GYPB: variants seen among roughly 807,000 people sequenced by gnomAD.
The protein encoded by GYPB is glycophorin-B.
Under a neutral mutation model 15.3 loss-of-function variants are expected in GYPB, and 13 were observed. The ratio of observed to expected loss-of-function variants is 0.85; its 90% CI spans 0.55 to 1.35. The LOEUF (loss-of-function observed/expected upper bound fraction) is 1.35, where lower values mean the gene tolerates loss of function less well. GYPB is among the 40% of genes most tolerant of loss of function. The pLI is 0.00. For missense variants in GYPB, 131 were observed against 108.3 expected (o/e 1.21, Z -0.93); for synonymous variants, 38 against 36.9 (o/e 1.03, Z -0.11).
At chr4:144,000,538 A>G in intron 2 of GYPB, 2 of 403,058 alleles carry the variant, frequency 5.0e-6, no homozygotes, top group Non-Finnish European at 4.5e-6. Context: ...CATACAGCGT[A>G]TCATGAAAGA....
rs570335496 is a variant in GYPB, at chr4:144,017,959, C to T, written c.37+1292G>A. Among the ~76,000 whole-genome samples, 11 of 151,390 alleles carry T rather than the reference C, an allele frequency of 7.3e-5. No homozygotes were observed. The South Asian group carries it at 2.3e-3, about 31-fold the overall frequency. On this transcript the variant is annotated intron_variant, in intron 1 of 4. Coordinates refer to ENST00000502664, the MANE Select transcript of GYPB (RefSeq NM_002100.6). ...TTCTGTAATTTTCTTGTCTCTCTGA[C>T]TCTCAGAAATCACCAATCACATACG...
rs372288184 is a variant in GYPB at position 144,019,306 on chromosome 4, T to C, written c.-19A>G. On this transcript the variant is annotated 5_prime_UTR_variant, in exon 1 of 5. Coordinates refer to ENST00000502664, the MANE Select transcript of GYPB (RefSeq NM_002100.6). Reference sequence around the variant, plus strand: ...CATACATCCTGAGATCATGAGCTGGTTCCTGAAGTTAGTGCAAAAAAACTA... The same window carrying C: ...CATACATCCTGAGATCATGAGCTGGCTCCTGAAGTTAGTGCAAAAAAACTA... The C allele has an allele frequency of 1.1e-4, 172 of 1,611,832 alleles. No individual in the cohort carries two copies. Among genetic ancestry groups the C allele is most frequent in the Non-Finnish European group, 1.4e-4 (163 of 1,179,442 alleles).
In GYPB at chr4:144,001,150, G is replaced by A. The variant is rs747889435; in HGVS notation, c.136+35C>T. 5.8e-5 allele frequency: 93 copies of A among 1,612,232 alleles called. No homozygotes were observed. In the East Asian group the frequency reaches 6.0e-4, roughly 10 times the overall value. On this transcript the variant is annotated intron_variant, in intron 2 of 4. Coordinates refer to ENST00000502664, the MANE Select transcript of GYPB (RefSeq NM_002100.6). ...AGGGTTGCATCACAAAAATCATTTC[G>A]GAGCCACAATTTAAAAATAAAAATG... is the stretch of plus-strand genomic sequence containing the variant.
intron 2 of GYPB, among the ~76,000 whole-genome samples, chr4:143,999,706 G>A (rs1480918644): frequency 2.0e-5 from 3 of 151,286 alleles, no homozygotes; most frequent in Non-Finnish European, 4.4e-5. Flanking sequence ...ATAACTGAGG[G>A]GAAAGGAATG....
intron 1 of GYPB, among the ~76,000 whole-genome samples, chr4:144,015,140 G>A (rs551534338): frequency 5.9e-5 from 9 of 151,298 alleles, no homozygotes; most frequent in South Asian, 2.1e-4. Flanking sequence ...TGTTTGTTTG[G>A]TTTACTTTTT....
At chr4:144,006,074 C>A (rs1231431194) in intron 1 of GYPB, among the ~76,000 whole-genome samples, 1 of 151,710 alleles carries the variant, frequency 6.6e-6, no homozygotes, top group African/African-American at 2.4e-5. Context: ...ATTAGTGAGG[C>A]CTCAAACTCC....
chr4:144,004,245 T>A (rs1184877745), intron 1 of GYPB, among the ~76,000 whole-genome samples: 2 of 6,314 alleles, frequency 3.2e-4, no homozygotes, highest in African/African-American at 4.6e-4. Context: ...ATAAAAATTG[T>A]TTTTTATATC....
chr4:144,014,680 A>G (rs2149969638), intron 1 of GYPB, among the ~76,000 whole-genome samples: 1 of 151,524 alleles, frequency 6.6e-6, no homozygotes, highest in South Asian at 2.1e-4. Flanking sequence ...AGTGATGAAA[A>G]TGTTCTGGAA....
chr4:144,001,760 A>G lies in GYPB; in HGVS notation c.38-477T>C, dbSNP rs1036766268. ...TTTTGGAAACTGTCTATGCTAAGAA[A>G]GGTGGAAGCTCATAATAATTATACA... On this transcript the variant is annotated intron_variant, in intron 1 of 4. Transcript: ENST00000502664. Among the ~76,000 whole-genome samples the G allele has an allele frequency of 2.6e-5, 4 of 151,186 alleles. 1 individual carries two copies. The highest frequency in any genetic ancestry group is 4.9e-5 in the African/African-American group (2 of 40,500).
intron 1 of GYPB, among the ~76,000 whole-genome samples, chr4:144,017,745 A>T (rs1365967273): frequency 6.6e-6 from 1 of 151,422 alleles, no homozygotes; most frequent in Non-Finnish European, 1.5e-5. Flanking sequence ...TTTGAGCTAC[A>T]TCCAGTTTGG....
intron 1 of GYPB, among the ~76,000 whole-genome samples, chr4:144,007,602 A>G (rs958157990): frequency 5.9e-5 from 9 of 151,576 alleles, no homozygotes; most frequent in African/African-American, 2.2e-4. Flanking sequence ...GCCAGTGCAC[A>G]TTCTTCAGCC....
At chr4:144,015,055 G>T (rs1381179946) in intron 1 of GYPB, among the ~76,000 whole-genome samples, 3 of 151,270 alleles carry the variant, frequency 2.0e-5, no homozygotes, top group Non-Finnish European at 2.9e-5. Context: ...CTTAATAAAT[G>T]TCACAAATAG....
chr4:143,996,551 G>A (rs1448330627), intron 4 of GYPB, among the ~76,000 whole-genome samples: 1 of 150,952 alleles, frequency 6.6e-6, no homozygotes, highest in Admixed American at 6.6e-5. Flanking sequence ...GATCACTTGA[G>A]GTCAGGAGTT....
chr4:143,997,154 G>C (rs1727366128), intron 4 of GYPB, among the ~76,000 whole-genome samples: 1 of 151,066 alleles, frequency 6.6e-6, no homozygotes, highest in Admixed American at 6.6e-5. Flanking sequence ...CAATCCTCCT[G>C]CCTTGGCCTC....
Position 144,013,404 on chromosome 4 carries a change from C to T in GYPB, c.37+5847G>A, listed in dbSNP as rs186732785. On this transcript the variant is annotated intron_variant, in intron 1 of 4. Transcript: ENST00000502664. ...GAACTGGAAATACCATTTGACCCAG[C>T]CATCCAATTACTGGGTATATACCCA... is the stretch of plus-strand genomic sequence containing the variant. 1.1e-3 allele frequency among the ~76,000 whole-genome samples: 160 copies of T among 151,360 alleles called. 14 individuals are homozygous for T. The highest frequency in any genetic ancestry group is 3.8e-3 in the African/African-American group (154 of 40,664).
At chr4:144,006,249 T>C (rs1429171890) in intron 1 of GYPB, among the ~76,000 whole-genome samples, 17 of 152,068 alleles carry the variant, frequency 1.1e-4, no homozygotes, top group African/African-American at 2.2e-4. Flanking sequence ...TCAAAATTTG[T>C]GTTTGGCTCA....
chr4:144,002,566 T>C (rs1414772048), intron 1 of GYPB: 1 of 1,281,916 alleles, frequency 7.8e-7, no homozygotes, highest in Non-Finnish European at 1.0e-6. Flanking sequence ...ACTCTGTAGA[T>C]GTACCTTTGC....
chr4:143,999,422 A>C lies in GYPB; in HGVS notation c.164T>G (p.Phe55Cys), dbSNP rs751780610. Residue 55 changes from phenylalanine to cysteine, a missense_variant, in exon 3 of 5, where the codon TTC becomes TGC. By Grantham distance (205) the Phe-to-Cys change is radical. Coordinates refer to ENST00000502664, the MANE Select transcript of GYPB (RefSeq NM_002100.6). ...AAATATTAACATACCTGGTACAGTG[A>C]AACGATGGACAAGTTGTCCCGTTTC... The part of the protein sequence containing the change: ...NGETGQLVHR[F>C]TVPAPVVIIL... 4.5e-6 allele frequency: 7 copies of C among 1,540,028 alleles called. No homozygotes were observed. The Admixed American group carries it at 5.1e-5, about 11-fold the overall frequency.
chr4:143,996,483 G>A (rs1362099341), intron 4 of GYPB, among the ~76,000 whole-genome samples, 179 bp from the exon 5 acceptor site: 1 of 151,140 alleles, frequency 6.6e-6, no homozygotes, highest in Non-Finnish European at 1.5e-5. Flanking sequence ...ACCCTAATTA[G>A]GGCCGGGCGC....
Sources: gnomAD v4.1 joint callset for allele counts (sites outside exome capture counted in the v4.1 genomes callset) on GRCh38, gnomAD v4.1.1 for gene constraint, MANE v1.5 for transcripts, NCBI Gene and HGNC (gene_info 2026-07-23, HGNC 2026-07-21) for gene names.